The following GLIS3 variants were observed in gnomAD, a reference collection of about 807,000 sequenced individuals.
GLIS3 encodes GLIS family zinc finger 3.
GLIS3 carries 53 observed loss-of-function variants against 78.6 expected under a neutral mutation model. The ratio of observed to expected loss-of-function variants is 0.67; its 90% CI spans 0.54 to 0.85. GLIS3 has a LOEUF of 0.85. Among genes scored for constraint, GLIS3 ranks in the 40% least tolerant of loss-of-function variants. The pLI, the probability that GLIS3 is intolerant of heterozygous loss-of-function variation, is 0.00. For missense variants in GLIS3, 1,703 were observed against 1,231.1 expected (o/e 1.38, Z -5.74); for synonymous variants, 684 against 509.9 (o/e 1.34, Z -4.60).
the GLIS3 span, among the ~76,000 whole-genome samples, chr9:4,371,666 G>A: frequency 3.9e-5 from 6 of 151,984 alleles, no homozygotes; most frequent in Non-Finnish European, 7.4e-5. Context: ...TCTGCCCCCT[G>A]CCTCATCTCT....
chr9:4,222,499 C>G (rs1042792987), intron 2 of GLIS3, among the ~76,000 whole-genome samples: 4 of 152,200 alleles, frequency 2.6e-5, no homozygotes, highest in African/African-American at 9.7e-5. Flanking sequence ...AATCACTTAA[C>G]ACTCACCACC....
At chr9:4,184,740 A>C (rs1322649792) in intron 2 of GLIS3, among the ~76,000 whole-genome samples, 1 of 152,230 alleles carries the variant, frequency 6.6e-6, no homozygotes, top group African/African-American at 2.4e-5. Flanking sequence ...TCTCCCCTAT[A>C]CAACATCTGA....
At chr9:4,458,286 G>T in the GLIS3 span, among the ~76,000 whole-genome samples, 1 of 152,186 alleles carries the variant, frequency 6.6e-6, no homozygotes, top group Non-Finnish European at 1.5e-5. Flanking sequence ...GGCATGCATT[G>T]TTCTAGGCAC....
the GLIS3 span, among the ~76,000 whole-genome samples, chr9:4,488,250 T>A: frequency 6.6e-6 from 1 of 152,094 alleles, no homozygotes; most frequent in Admixed American, 6.6e-5. Context: ...CCACTGCACC[T>A]GGCCAATATG....
intron 2 of GLIS3, among the ~76,000 whole-genome samples, chr9:4,174,847 G>T (rs948987462): frequency 2.0e-5 from 3 of 152,130 alleles, no homozygotes; most frequent in African/African-American, 7.2e-5. Flanking sequence ...TTTATACATT[G>T]GCATCTGACC....
At chr9:4,460,913 G>A in the GLIS3 span, among the ~76,000 whole-genome samples, 1 of 152,126 alleles carries the variant, frequency 6.6e-6, no homozygotes, top group Non-Finnish European at 1.5e-5. Flanking sequence ...ACTTAAGGAG[G>A]CTTATTAATT....
the GLIS3 span, among the ~76,000 whole-genome samples, chr9:4,423,367 G>C: frequency 3.3e-5 from 5 of 152,004 alleles, no homozygotes; most frequent in African/African-American, 4.8e-5. Flanking sequence ...AAGGCCTCCT[G>C]GTGGGCACAA....
chr9:4,200,138 C>G (rs1185931479), intron 2 of GLIS3, among the ~76,000 whole-genome samples: 1 of 152,124 alleles, frequency 6.6e-6, no homozygotes, highest in Admixed American at 6.5e-5. Flanking sequence ...ACCAAAATCT[C>G]TGGGATGCAG....
chr9:4,157,254 T>C (rs1240902463), intron 2 of GLIS3, among the ~76,000 whole-genome samples: 2 of 152,170 alleles, frequency 1.3e-5, no homozygotes, highest in African/African-American at 2.4e-5. Context: ...TTGATAAAGG[T>C]CAACATTAAC....
At chr9:4,472,398 A>G in the GLIS3 span, among the ~76,000 whole-genome samples, 27 of 152,248 alleles carry the variant, frequency 1.8e-4, no homozygotes, top group Non-Finnish European at 3.4e-4. Flanking sequence ...AAAATGTGGC[A>G]CATATACATC....
At chr9:4,483,166 C>A in the GLIS3 span, among the ~76,000 whole-genome samples, 2 of 151,876 alleles carry the variant, frequency 1.3e-5, no homozygotes, top group African/African-American at 4.8e-5. Flanking sequence ...CTAGACATCC[C>A]CCCAAAGTGA....
intron 2 of GLIS3, among the ~76,000 whole-genome samples, chr9:4,317,427 C>T (rs893389800): frequency 1.3e-5 from 2 of 152,196 alleles, no homozygotes; most frequent in Non-Finnish European, 2.9e-5. Flanking sequence ...TGCAGCCACA[C>T]TTGAGAACCA....
At position 4,281,927 on chromosome 9, in the gene GLIS3, T is replaced by G. The variant is rs186208143; in HGVS notation, c.388+4111A>C. Among the ~76,000 whole-genome samples the G allele has an allele frequency of 3.7e-3, 558 of 152,302 alleles. 1 individual carries two copies. The highest frequency in any genetic ancestry group is 0.02 in the Middle Eastern group (6 of 294). On this transcript the variant is annotated intron_variant, in intron 2 of 10. Transcript: ENST00000381971. ...TGACTCCCAAAGTTCACTGTGGCACTCCAGTGACCTTTAACACACTGTTTG... is the reference window on the plus strand; with the variant it reads ...TGACTCCCAAAGTTCACTGTGGCACGCCAGTGACCTTTAACACACTGTTTG...
At chr9:3,975,170 C>G (rs759156357) in intron 4 of GLIS3, 3 of 152,092 alleles carry the variant, frequency 2.0e-5, no homozygotes, top group African/African-American at 7.2e-5. Flanking sequence ...GTGAGTCTAG[C>G]CCTATGAAAT....
intron 4 of GLIS3, among the ~76,000 whole-genome samples, chr9:3,995,448 T>C (rs569498275): frequency 2.4e-4 from 37 of 152,064 alleles, no homozygotes; most frequent in African/African-American, 6.7e-4. Flanking sequence ...CCGTGAATAA[T>C]AGCAGAAACA....
At chr9:4,267,356 G>A (rs1826110681) in intron 2 of GLIS3, among the ~76,000 whole-genome samples, 1 of 152,176 alleles carries the variant, frequency 6.6e-6, no homozygotes. Context: ...GAAGACAGCA[G>A]AAAAGACCAT....
intron 4 of GLIS3, among the ~76,000 whole-genome samples, chr9:4,307,543 C>T (rs1817259205): frequency 6.8e-6 from 1 of 148,132 alleles, no homozygotes; most frequent in Non-Finnish European, 1.5e-5. Context: ...CGCCCTGCAT[C>T]CCAACAAAAA....
At chr9:4,460,548 C>A in the GLIS3 span, among the ~76,000 whole-genome samples, 1 of 151,846 alleles carries the variant, frequency 6.6e-6, no homozygotes, top group Non-Finnish European at 1.5e-5. Context: ...AGGAAAAACA[C>A]AATTCCCCCC....
At chr9:3,892,734 G>A (rs1341245240) in intron 7 of GLIS3, among the ~76,000 whole-genome samples, 1 of 151,882 alleles carries the variant, frequency 6.6e-6, no homozygotes, top group Non-Finnish European at 1.5e-5. Context: ...TCTTTCCTTG[G>A]AAGGCAAATT....
Sources: gnomAD v4.1 joint callset for allele counts (sites outside exome capture counted in the v4.1 genomes callset) on GRCh38, gnomAD v4.1.1 for gene constraint, MANE v1.5 for transcripts, NCBI Gene and HGNC (gene_info 2026-07-23, HGNC 2026-07-21) for gene names.